NAALADL2: variants seen among roughly 807,000 people sequenced by gnomAD.
The protein encoded by NAALADL2 is inactive N-acetylated-alpha-linked acidic dipeptidase-like protein 2.
NAALADL2 carries 76 observed loss-of-function variants against 87.2 expected under a neutral mutation model. That is an observed-to-expected ratio of 0.87 (90% CI 0.72 to 1.05). The LOEUF is 1.05. Ranked by LOEUF, NAALADL2 falls within the 50% of genes least tolerant of loss-of-function variation. The pLI is 0.00. For missense variants in NAALADL2, 1,089 were observed against 945.8 expected, an observed-to-expected ratio of 1.15 and a Z score of -1.99; for synonymous variants, 354 against 331.0, an observed-to-expected ratio of 1.07 and a Z score of -0.75.
At chr3:175,222,757 G>T (rs936116153) in intron 2 of NAALADL2, among the ~76,000 whole-genome samples, 15 of 151,880 alleles carry the variant, frequency 9.9e-5, no homozygotes, top group Non-Finnish European at 2.1e-4. Context: ...ATTATAAAAA[G>T]ATATTAATTT....
At chr3:175,394,985 A>G (rs78652189) in intron 5 of NAALADL2, among the ~76,000 whole-genome samples, 2,480 of 152,062 alleles carry the variant, frequency 0.016, 58 homozygotes, top group African/African-American at 0.057. Flanking sequence ...CAAGAAAAAC[A>G]CTGCTTATCT....
At chr3:175,592,160 G>T (rs1374310856) in intron 10 of NAALADL2, among the ~76,000 whole-genome samples, 1 of 151,964 alleles carries the variant, frequency 6.6e-6, no homozygotes, top group Non-Finnish European at 1.5e-5. Flanking sequence ...TGGGTATAAT[G>T]GTATCTTTTT....
chr3:175,311,699 CCT>C (rs1491118171), intron 4 of NAALADL2, among the ~76,000 whole-genome samples: 3 of 139,958 alleles, frequency 2.1e-5, no homozygotes, highest in African/African-American at 8.0e-5. Flanking sequence ...TTCCTTCCTT[CCT>C]CTCTCCCTCC....
At chr3:175,427,462 T>C (rs1215366921) in intron 5 of NAALADL2, among the ~76,000 whole-genome samples, 1 of 152,182 alleles carries the variant, frequency 6.6e-6, no homozygotes, top group Non-Finnish European at 1.5e-5. Flanking sequence ...TCACGTTATA[T>C]ACAGTAATAA....
At chr3:174,863,246 G>T (rs1311608882) in intron 1 of NAALADL2, among the ~76,000 whole-genome samples, 1 of 151,990 alleles carries the variant, frequency 6.6e-6, no homozygotes, top group African/African-American at 2.4e-5. Context: ...GGAAGAATTT[G>T]GTGCATTATT....
intron 1 of NAALADL2, among the ~76,000 whole-genome samples, chr3:174,483,626 A>G (rs1203506118): frequency 6.6e-6 from 1 of 152,074 alleles, no homozygotes; most frequent in African/African-American, 2.4e-5. Context: ...AAGTATAATC[A>G]GAATGTAAAG....
chr3:175,312,619 C>G (rs1447841545), intron 4 of NAALADL2, among the ~76,000 whole-genome samples: 1 of 152,150 alleles, frequency 6.6e-6, no homozygotes, highest in Non-Finnish European at 1.5e-5. Context: ...AGGCATACTT[C>G]AGTGAAAAGA....
intron 1 of NAALADL2, among the ~76,000 whole-genome samples, chr3:174,924,676 C>G (rs967949102): frequency 3.9e-5 from 6 of 152,116 alleles, no homozygotes; most frequent in African/African-American, 1.4e-4. Flanking sequence ...ACAGTCCCAC[C>G]AACATTGTAG....
At chr3:175,675,068 T>C (rs1340914530) in intron 11 of NAALADL2, 1 of 152,204 alleles carries the variant, frequency 6.6e-6, no homozygotes, top group Non-Finnish European at 1.5e-5. Context: ...ACATATACTG[T>C]AATACTAAGG....
intron 2 of NAALADL2, among the ~76,000 whole-genome samples, chr3:175,162,388 A>T (rs1380482250): frequency 6.6e-6 from 1 of 152,170 alleles, no homozygotes; most frequent in African/African-American, 2.4e-5. Flanking sequence ...CTACAGGTTG[A>T]AGTCGTATCA....
chr3:174,537,956 G>A (rs1721878726), intron 1 of NAALADL2, among the ~76,000 whole-genome samples: 1 of 152,136 alleles, frequency 6.6e-6, no homozygotes, highest in African/African-American at 2.4e-5. Context: ...AGCTTTGTGA[G>A]CAAGAACCTG....
chr3:175,185,472 TA>T (rs1456612291), intron 2 of NAALADL2, among the ~76,000 whole-genome samples: 5 of 152,074 alleles, frequency 3.3e-5, no homozygotes, highest in East Asian at 1.9e-4. Flanking sequence ...TAAATTGAAT[TA>T]AAAAAACTAT....
chr3:175,584,038 A>C (rs1263789975), intron 10 of NAALADL2, among the ~76,000 whole-genome samples: 2 of 135,474 alleles, frequency 1.5e-5, no homozygotes, highest in East Asian at 3.9e-4. Context: ...TATTGTCACT[A>C]CTTTTTTTTT....
intron 4 of NAALADL2, among the ~76,000 whole-genome samples, chr3:175,261,381 G>C (rs1751013304): frequency 6.6e-6 from 1 of 152,070 alleles, no homozygotes. Flanking sequence ...TGTACTACAA[G>C]ACAACTAGAA....
Position 174,478,907 on chromosome 3 carries a change from C to T in NAALADL2, c.-184+37875C>T, listed in dbSNP as rs1577992652. On this transcript the variant is annotated intron_variant, in intron 1 of 3. Transcript: ENST00000434257. ...GTGTTTTAGTAGAGACAAGGTTTTG[C>T]CATGCTGGCTAGGCTGGTCTTGAAC... Among the ~76,000 whole-genome samples, 3 of 152,230 alleles carry T rather than the reference C, an allele frequency of 2.0e-5. No individual in the cohort carries two copies. The East Asian group carries it at 5.8e-4, about 30-fold the overall frequency.
intron 2 of NAALADL2, among the ~76,000 whole-genome samples, chr3:174,599,698 C>G (rs925890968): frequency 6.6e-6 from 1 of 152,094 alleles, no homozygotes; most frequent in South Asian, 2.1e-4. Flanking sequence ...GTTTCTTATG[C>G]CATTTATGCA....
Position 174,467,954 on chromosome 3 carries a change from G to A in NAALADL2, c.-184+26922G>A, listed in dbSNP as rs376984455. On this transcript the variant is annotated intron_variant, in intron 1 of 3. Transcript: ENST00000434257. ...TCAGTGTTATCCTTATTAATGTTAT[G>A]TATATTTTGATATGGTAAAGGTTAA... 1.5e-4 allele frequency among the ~76,000 whole-genome samples: 23 copies of A among 152,042 alleles called. No homozygotes were observed. The East Asian group carries it at 3.9e-3, about 26-fold the overall frequency.
intron 5 of NAALADL2, among the ~76,000 whole-genome samples, chr3:175,329,666 G>T (rs1318652205): frequency 6.6e-6 from 1 of 152,102 alleles, no homozygotes; most frequent in Non-Finnish European, 1.5e-5. Flanking sequence ...CTATTTCATT[G>T]TAAGTGTCTG....
In NAALADL2 at chr3:175,423,710, G is replaced by A. The variant is rs560553277; in HGVS notation, c.1091-23519G>A. On this transcript the variant is annotated intron_variant, in intron 5 of 13. Transcript: ENST00000454872. ...TTCCAAGTCTTTGCTATTGTGAATA[G>A]TGCCACAATAAATATGCATGTGCAT... Among the ~76,000 whole-genome samples the A allele has an allele frequency of 7.2e-5, 11 of 152,204 alleles. No individual in the cohort carries two copies. In the South Asian group the frequency reaches 2.1e-3, roughly 29 times the overall value.
Sources: gnomAD v4.1 joint callset for allele counts (sites outside exome capture counted in the v4.1 genomes callset) on GRCh38, gnomAD v4.1.1 for gene constraint, MANE v1.5 for transcripts, NCBI Gene and HGNC (gene_info 2026-07-23, HGNC 2026-07-21) for gene names.